The following ENOX2 variants were observed in gnomAD, a reference collection of about 807,000 sequenced individuals.
ENOX2 encodes ecto-NOX disulfide-thiol exchanger 2.
ENOX2 carries 36 observed loss-of-function variants against 45.0 expected under a neutral mutation model. The observed-to-expected ratio is 0.80, with a 90% CI of 0.61 to 1.06. The LOEUF is 1.06. Among genes scored for constraint, ENOX2 ranks in the 50% least tolerant of loss-of-function variants. The pLI is 0.00. For missense variants in ENOX2, 423 were observed against 462.5 expected, an observed-to-expected ratio of 0.91 and a Z score of 0.78; for synonymous variants, 174 against 152.3, an observed-to-expected ratio of 1.14 and a Z score of -1.05.
chrX:130,728,037 T>C (rs2038648077), intron 3 of ENOX2, among the ~76,000 whole-genome samples: 1 of 111,417 alleles, frequency 9.0e-6, no homozygotes, highest in East Asian at 2.8e-4. Flanking sequence ...ATGTTAAGCT[T>C]TGTCAGTAGA....
At chrX:130,892,800 T>G (rs1367570156) in intron 2 of ENOX2, among the ~76,000 whole-genome samples, 2 of 112,696 alleles carry the variant, frequency 1.8e-5, no homozygotes, top group African/African-American at 6.5e-5. Flanking sequence ...CAAAAGAGTT[T>G]GTTCATCTAG....
chrX:130,744,253 TC>T (rs984381420), intron 3 of ENOX2, among the ~76,000 whole-genome samples: 4 of 112,206 alleles, frequency 3.6e-5, no homozygotes, highest in Non-Finnish European at 7.5e-5. Context: ...CTCTATGAGT[TC>T]CCTGTCTGAT....
rs187332081 is a variant in ENOX2 at position 130,844,773 on chromosome X, G to A, written c.-183+56911C>T. Among the ~76,000 whole-genome samples the A allele has an allele frequency of 9.8e-5, 11 of 111,938 alleles. No homozygotes were observed. In the East Asian group the frequency reaches 2.0e-3, roughly 20 times the overall value. On this transcript the variant is annotated intron_variant, in intron 2 of 14. Coordinates refer to ENST00000394363, the MANE Select transcript of ENOX2 (RefSeq NM_006375.4). The stretch of plus-strand genomic sequence containing the variant: ...CCTGGTCAAGAGAGGTGGAGGAATC[G>A]TGGCTCCAGAAGCATCTGAAGTTAC...
At chrX:130,780,480 T>C (rs1009428064) in intron 3 of ENOX2, among the ~76,000 whole-genome samples, 1 of 111,878 alleles carries the variant, frequency 8.9e-6, no homozygotes, top group Non-Finnish European at 1.9e-5. Flanking sequence ...GGTAATAGTA[T>C]ACTTACAGTC....
intron 14 of ENOX2, among the ~76,000 whole-genome samples, chrX:130,626,277 A>C (rs758557835): frequency 9.5e-4 from 107 of 112,514 alleles, no homozygotes; most frequent in African/African-American, 3.2e-3. Context: ...TGCTGGCAGT[A>C]GACTGTATCC....
chrX:130,789,478 C>A (rs1266346076), intron 2 of ENOX2, among the ~76,000 whole-genome samples: 2 of 111,708 alleles, frequency 1.8e-5, no homozygotes, highest in Admixed American at 1.9e-4. Context: ...GACTGTATAA[C>A]CCTAGCGAAA....
At chrX:130,770,353 A>G (rs1040434879) in intron 3 of ENOX2, among the ~76,000 whole-genome samples, 23 of 111,854 alleles carry the variant, frequency 2.1e-4, no homozygotes, top group Non-Finnish European at 2.3e-4. Flanking sequence ...AACATGTGAC[A>G]CTGGGGCTGC....
At chrX:130,719,874 C>G (rs759692899) in intron 3 of ENOX2, among the ~76,000 whole-genome samples, 3 of 111,838 alleles carry the variant, frequency 2.7e-5, no homozygotes, top group African/African-American at 9.8e-5. Context: ...AAGCTTCTAT[C>G]TTTAAAAAGA....
At chrX:130,807,759 C>T (rs1333383922) in intron 2 of ENOX2, among the ~76,000 whole-genome samples, 1 of 111,836 alleles carries the variant, frequency 8.9e-6, no homozygotes, top group Non-Finnish European at 1.9e-5. Flanking sequence ...GCTTCTCTGG[C>T]CTTTTCAAAC....
At chrX:130,689,074 A>G (rs1296858085) in intron 4 of ENOX2, 56 bp from the exon 5 acceptor site, 12 of 1,042,707 alleles carry the variant, frequency 1.2e-5, no homozygotes, top group Non-Finnish European at 1.3e-5. Flanking sequence ...AAGTGGAGAT[A>G]GAATGTTACT....
intron 3 of ENOX2, among the ~76,000 whole-genome samples, chrX:130,756,418 C>G (rs1057076857): frequency 1.8e-5 from 2 of 112,009 alleles, no homozygotes; most frequent in African/African-American, 6.5e-5. Flanking sequence ...CATGTTATAT[C>G]TTGCCTCAGA....
In ENOX2 at chrX:130,785,728, A is replaced by G. The variant is rs950713763; in HGVS notation, c.-182-2038T>C. Reference sequence around the variant, plus strand: ...TGTTCTCGTACCTGATTAGTCCCAGAGTCAAATATGATTAATATACTAGTC... The same window carrying G: ...TGTTCTCGTACCTGATTAGTCCCAGGGTCAAATATGATTAATATACTAGTC... On this transcript the variant is annotated intron_variant, in intron 2 of 14. Transcript: ENST00000394363. 1.1e-4 allele frequency among the ~76,000 whole-genome samples: 12 copies of G among 112,690 alleles called. No individual in the cohort carries two copies. In the East Asian group the frequency reaches 3.3e-3, roughly 31 times the overall value.
At chrX:130,851,846 T>C in intron 2 of ENOX2, among the ~76,000 whole-genome samples, 1 of 112,251 alleles carries the variant, frequency 8.9e-6, no homozygotes, top group Non-Finnish European at 1.9e-5. Flanking sequence ...GTCTTCAGTT[T>C]CATTTGGAAG....
intron 4 of ENOX2, among the ~76,000 whole-genome samples, chrX:130,691,403 G>A (rs913298361): frequency 9.0e-6 from 1 of 111,441 alleles, no homozygotes; most frequent in Admixed American, 9.5e-5. Flanking sequence ...ATCTGTGATA[G>A]GCTTCCTATA....
At chrX:130,636,834 G>T (rs1012233776) in intron 11 of ENOX2, among the ~76,000 whole-genome samples, 3 of 111,779 alleles carry the variant, frequency 2.7e-5, no homozygotes, top group Non-Finnish European at 5.6e-5. Context: ...TTAAAAGGCT[G>T]TATTTCTTGG....
chrX:130,676,239 G>A (rs763756643), intron 6 of ENOX2, among the ~76,000 whole-genome samples: 25 of 111,715 alleles, frequency 2.2e-4, no homozygotes, highest in Non-Finnish European at 4.1e-4. Context: ...TGTGCACAGT[G>A]CCAGCTCCCA....
At chrX:130,683,399 A>G (rs1381356814) in intron 5 of ENOX2, among the ~76,000 whole-genome samples, 1 of 112,309 alleles carries the variant, frequency 8.9e-6, no homozygotes, top group Admixed American at 9.4e-5. Context: ...TGGAAAAATT[A>G]GAAGGCTGGG....
rs55875735 is a variant in ENOX2 at position 130,682,583 on chromosome X, C to CAAAAAAA, written c.254-2842_254-2836dup. ...TGGGTGACAGAGCGAGACTCCGTCTCAAAAAAAAAAAAAAAAAAAAAAAAA... is the reference window on the plus strand; with the variant it reads ...TGGGTGACAGAGCGAGACTCCGTCTCAAAAAAAAAAAAAAAAAAAAAAAAAAAAAAAA... On this transcript the variant is annotated intron_variant, in intron 5 of 14. Coordinates refer to ENST00000394363, the MANE Select transcript of ENOX2 (RefSeq NM_006375.4). Among the ~76,000 whole-genome samples the CAAAAAAA allele has an allele frequency of 3.2e-3, 47 of 14,659 alleles. 10 individuals are homozygous for CAAAAAAA. The highest frequency in any genetic ancestry group is 7.9e-3 in the African/African-American group (39 of 4,912). 12.7% of individuals were successfully genotyped at this position (14,659 alleles called of 115,157 possible).
chrX:130,873,904 G>T (rs1385255833), intron 2 of ENOX2, among the ~76,000 whole-genome samples: 2 of 109,138 alleles, frequency 1.8e-5, no homozygotes, highest in African/African-American at 3.3e-5. Flanking sequence ...GGGGGTGGGG[G>T]ACTAGGGGAG....
Sources: gnomAD v4.1 joint callset for allele counts (sites outside exome capture counted in the v4.1 genomes callset) on GRCh38, gnomAD v4.1.1 for gene constraint, MANE v1.5 for transcripts, NCBI Gene and HGNC (gene_info 2026-07-23, HGNC 2026-07-21) for gene names.